Variants in PATJ observed in about 807,000 individuals in gnomAD.
PATJ encodes the protein inaD-like protein.
A neutral mutation model predicts 224.9 loss-of-function variants in PATJ; 190 were observed. The ratio of observed to expected loss-of-function variants is 0.84; its 90% CI spans 0.75 to 0.95. PATJ has a LOEUF of 0.95. Ranked by LOEUF, PATJ falls within the 40% of genes least tolerant of loss-of-function variation. PATJ has a pLI of 0.00. For synonymous variants in PATJ, 769 were observed against 820.3 expected (o/e 0.94, Z 1.07); for missense variants, 2,121 against 2,270.3 (o/e 0.93, Z 1.34).
intron 13 of PATJ, 99 bp downstream of exon 13, chr1:61,805,623 G>T (rs1476954283): frequency 4.2e-6 from 3 of 710,906 alleles, no homozygotes; most frequent in Non-Finnish European, 7.2e-6. Context: ...AGAATAGCCC[G>T]CCTGACTTTA....
intron 12 of PATJ, among the ~76,000 whole-genome samples, chr1:61,804,897 C>G (rs1202784802): frequency 6.6e-6 from 1 of 152,158 alleles, no homozygotes; most frequent in Non-Finnish European, 1.5e-5. Flanking sequence ...TATTAAAGCT[C>G]ATGGAACTTT....
At chr1:61,870,932 T>A (rs1353086810) in intron 20 of PATJ, among the ~76,000 whole-genome samples, 1 of 152,130 alleles carries the variant, frequency 6.6e-6, no homozygotes, top group Non-Finnish European at 1.5e-5. Flanking sequence ...TAAAGTGCTA[T>A]CTTATGTTTT....
At chr1:62,118,052 G>C (rs1034508540) in intron 37 of PATJ, among the ~76,000 whole-genome samples, 1 of 152,128 alleles carries the variant, frequency 6.6e-6, no homozygotes, top group African/African-American at 2.4e-5. Flanking sequence ...AAAGCTATTA[G>C]CTGCCTCCTG....
intron 15 of PATJ, 21 bp downstream of exon 15, chr1:61,823,100 A>G: frequency 6.2e-7 from 1 of 1,613,298 alleles, no homozygotes. Flanking sequence ...TGGGGAAAGA[A>G]AGACACAGGC....
chr1:62,157,161 TA>T (rs1669311848), intron 43 of PATJ, among the ~76,000 whole-genome samples: 1 of 149,488 alleles, frequency 6.7e-6, no homozygotes, highest in Non-Finnish European at 1.5e-5. Context: ...CAGTCTCTAC[TA>T]AAAACACAAA....
At chr1:62,076,333 T>G (rs992893170) in intron 31 of PATJ, among the ~76,000 whole-genome samples, 1 of 147,464 alleles carries the variant, frequency 6.8e-6, no homozygotes, top group Admixed American at 6.8e-5. Flanking sequence ...TTTTAAAAGC[T>G]CCGTAGGTGT....
intron 17 of PATJ, among the ~76,000 whole-genome samples, chr1:61,851,626 G>A (rs1444274931): frequency 1.3e-5 from 2 of 152,128 alleles, no homozygotes; most frequent in South Asian, 2.1e-4. Context: ...TATCCCTGAA[G>A]TACTGTAAGC....
chr1:61,833,600 T>C, intron 16 of PATJ, 54 bp from the exon 17 acceptor site: 1 of 1,533,974 alleles, frequency 6.5e-7, no homozygotes, highest in East Asian at 2.3e-5. Context: ...TGTGCATTCT[T>C]TTCAGAATTG....
At chr1:62,117,440 T>G (rs1323840734) in intron 37 of PATJ, 1 of 1,376,928 alleles carries the variant, frequency 7.3e-7, no homozygotes, top group Non-Finnish European at 9.4e-7. Context: ...AATGTTTTCT[T>G]GGAAGCTCTT....
chr1:62,111,194 A>G (rs1436402274), intron 34 of PATJ, among the ~76,000 whole-genome samples: 3 of 152,222 alleles, frequency 2.0e-5, no homozygotes, highest in East Asian at 1.9e-4. Flanking sequence ...AGGCTTAGAA[A>G]GTTCACCTTC....
chr1:61,862,204 T>C (rs889978809), intron 19 of PATJ, among the ~76,000 whole-genome samples: 3 of 151,638 alleles, frequency 2.0e-5, no homozygotes, highest in African/African-American at 7.3e-5. Flanking sequence ...GTTGTTGTTA[T>C]TTTGTTTTTT....
chr1:62,158,468 C>T (rs941680400), intron 43 of PATJ, among the ~76,000 whole-genome samples: 1 of 148,150 alleles, frequency 6.7e-6, no homozygotes, highest in Non-Finnish European at 1.5e-5. Flanking sequence ...ACCTGTAATC[C>T]CAGCACTTTG....
At chr1:61,858,772 C>CATGGG (rs1664105838) in intron 18 of PATJ, among the ~76,000 whole-genome samples, 1 of 152,174 alleles carries the variant, frequency 6.6e-6, no homozygotes, top group East Asian at 1.9e-4. Flanking sequence ...GATTCATGTA[C>CATGGG]AGCATATGGT....
chr1:61,849,391 T>C (rs903606358), intron 17 of PATJ, among the ~76,000 whole-genome samples: 1 of 151,960 alleles, frequency 6.6e-6, no homozygotes, highest in Non-Finnish European at 1.5e-5. Flanking sequence ...GCCCAGAAGT[T>C]TGAGATCTGC....
chr1:61,776,977 A>G (rs144618194), intron 7 of PATJ, among the ~76,000 whole-genome samples: 5,120 of 152,144 alleles, frequency 0.034, 131 homozygotes, highest in Non-Finnish European at 0.052. Flanking sequence ...CGCCCGCCTT[A>G]GCCTCCCAAA....
At chr1:61,965,502 A>G (rs1681998533) in intron 27 of PATJ, among the ~76,000 whole-genome samples, 1 of 152,178 alleles carries the variant, frequency 6.6e-6, no homozygotes, top group Non-Finnish European at 1.5e-5. Context: ...AGTGAACAAA[A>G]TGGTTCTCTA....
chr1:61,876,361 AATAAAACTCTCCAGGTATATT>A (rs764646969), intron 21 of PATJ, among the ~76,000 whole-genome samples: 28 of 152,212 alleles, frequency 1.8e-4, no homozygotes, highest in Non-Finnish European at 3.7e-4. Flanking sequence ...GACTTCCCAA[AATAAAACTCTCCAGGTATATT>A]GCTTTCTAAA....
intron 42 of PATJ, among the ~76,000 whole-genome samples, chr1:62,150,865 G>A (rs936188764): frequency 8.5e-5 from 13 of 152,120 alleles, no homozygotes; most frequent in African/African-American, 3.1e-4. Flanking sequence ...TAACAAGGCC[G>A]GGCGTGGTGG....
chr1:61,994,525 T>A (rs1332193261), intron 28 of PATJ, among the ~76,000 whole-genome samples: 1 of 152,108 alleles, frequency 6.6e-6, no homozygotes, highest in Non-Finnish European at 1.5e-5. Flanking sequence ...CCTGAAGAGC[T>A]GGGAGAATGG....
Sources: gnomAD v4.1 joint callset for allele counts (sites outside exome capture counted in the v4.1 genomes callset) on GRCh38, gnomAD v4.1.1 for gene constraint, MANE v1.5 for transcripts, NCBI Gene and HGNC (gene_info 2026-07-23, HGNC 2026-07-21) for gene names.